THSD7B: variants seen among roughly 807,000 people sequenced by gnomAD.
THSD7B encodes the protein thrombospondin type 1 domain containing 7B.
In THSD7B, 138 loss-of-function variants were observed where a neutral mutation model predicts 213.6. That is an observed-to-expected ratio of 0.65 (90% CI 0.56 to 0.74). THSD7B has a LOEUF of 0.74. THSD7B is among the 30% of genes least tolerant of loss of function. The pLI is 0.00. For synonymous variants in THSD7B, 742 were observed against 687.0 expected (o/e 1.08, Z -1.25); for missense variants, 1,931 against 1,991.5 (o/e 0.97, Z 0.58).
intron 15 of THSD7B, among the ~76,000 whole-genome samples, chr2:137,515,051 C>G (rs1039007225): frequency 2.6e-5 from 4 of 152,158 alleles, no homozygotes; most frequent in Non-Finnish European, 4.4e-5. Flanking sequence ...GAACACCAGA[C>G]ACAACCTCTT....
Position 137,658,738 on chromosome 2 carries a change from TCA to T in THSD7B, c.4376-923_4376-922del, listed in dbSNP as rs1468182458. ...TGGATTCTTTGTGTTATTTTTCAAG[TCA>T]CAGTGAGAATTTAGCTGCTTCATTC... On this transcript the variant is annotated intron_variant, in intron 24 of 27. Coordinates refer to ENST00000409968, the MANE Select transcript of THSD7B (RefSeq NM_001316349.2). Among the ~76,000 whole-genome samples the T allele has an allele frequency of 2.0e-5, 3 of 152,230 alleles. No individual in the cohort carries two copies. In the South Asian group the frequency reaches 6.2e-4, roughly 32 times the overall value.
At chr2:137,482,210 A>T (rs1324186277) in intron 15 of THSD7B, among the ~76,000 whole-genome samples, 1 of 150,242 alleles carries the variant, frequency 6.7e-6, no homozygotes, top group African/African-American at 2.4e-5. Flanking sequence ...AAAAGGGTTT[A>T]GCCATAGATT....
chr2:137,429,663 G>T (rs999876663), intron 14 of THSD7B, among the ~76,000 whole-genome samples: 1 of 152,160 alleles, frequency 6.6e-6, no homozygotes, highest in African/African-American at 2.4e-5. Flanking sequence ...TATAAACAGC[G>T]TCTCAGAATA....
At chr2:137,068,283 T>G (rs1416311738) in intron 3 of THSD7B, among the ~76,000 whole-genome samples, 1 of 152,134 alleles carries the variant, frequency 6.6e-6, no homozygotes, top group Non-Finnish European at 1.5e-5. Flanking sequence ...GACAGCGTAT[T>G]GAACCAAAGC....
chr2:137,261,353 T>C (rs1205848452), intron 10 of THSD7B, among the ~76,000 whole-genome samples: 1 of 152,198 alleles, frequency 6.6e-6, no homozygotes, highest in Non-Finnish European at 1.5e-5. Flanking sequence ...TAACCTATCC[T>C]GCACACTAAC....
chr2:137,098,835 C>T lies in THSD7B; in HGVS notation c.1199+3714C>T, dbSNP rs140699325. 5.1e-4 allele frequency among the ~76,000 whole-genome samples: 78 copies of T among 152,162 alleles called. No individual in the cohort carries two copies. The East Asian group carries it at 6.0e-3, about 12-fold the overall frequency. On this transcript the variant is annotated intron_variant, in intron 4 of 27. Coordinates refer to ENST00000409968, the MANE Select transcript of THSD7B (RefSeq NM_001316349.2). ...GAATTGTAACTAACAGGAGATCATT[C>T]GGGAAGCATTCCCTGGGGTTACCAC...
intron 7 of THSD7B, among the ~76,000 whole-genome samples, chr2:137,230,318 G>A (rs931793853): frequency 6.6e-6 from 1 of 152,156 alleles, no homozygotes; most frequent in Non-Finnish European, 1.5e-5. Flanking sequence ...ATTGTAAATA[G>A]TATTTACAGA....
At chr2:136,846,133 G>T (rs576696384) in intron 1 of THSD7B, among the ~76,000 whole-genome samples, 2 of 152,032 alleles carry the variant, frequency 1.3e-5, no homozygotes, top group Non-Finnish European at 2.9e-5. Flanking sequence ...TCAAGGGTGG[G>T]GTGTGGAGTC....
Position 137,676,557 on chromosome 2 carries a change from C to T in THSD7B, c.4773C>T (p.Pro1591=). 3.8e-6 allele frequency: 6 copies of T among 1,597,958 alleles called. No individual in the cohort carries two copies. Among genetic ancestry groups the T allele is most frequent in the Non-Finnish European group, 5.1e-6 (6 of 1,173,018 alleles). ...CAAAACCACATCAAAGCACACCTCC[C>T]CAACAGAAGCCTCTGACCTTAGCCT... is the stretch of plus-strand genomic sequence containing the variant. ...KKPKPHQSTP[P]QQKPLTLAYD... The change falls in exon 28 of 28, where the codon CCC becomes CCT. Residue 1591 remains proline, a synonymous_variant. Transcript: ENST00000409968.
intron 12 of THSD7B, among the ~76,000 whole-genome samples, chr2:137,298,884 A>C (rs1413111756): frequency 6.6e-6 from 1 of 152,142 alleles, no homozygotes; most frequent in East Asian, 1.9e-4. Flanking sequence ...CCTCATGGAG[A>C]ACCTCTGCTA....
intron 15 of THSD7B, among the ~76,000 whole-genome samples, chr2:137,530,444 A>C (rs748272939): frequency 6.6e-6 from 1 of 151,996 alleles, no homozygotes; most frequent in Non-Finnish European, 1.5e-5. Context: ...AAACAACTGA[A>C]ATGGGACTAA....
intron 3 of THSD7B, among the ~76,000 whole-genome samples, chr2:137,068,244 G>A (rs946676239): frequency 2.0e-5 from 3 of 151,964 alleles, no homozygotes; most frequent in African/African-American, 7.2e-5. Flanking sequence ...GTGGAAACCA[G>A]AAGTCACCAT....
At chr2:137,504,963 A>C (rs1391075980) in intron 15 of THSD7B, among the ~76,000 whole-genome samples, 1 of 151,370 alleles carries the variant, frequency 6.6e-6, no homozygotes, top group African/African-American at 2.4e-5. Context: ...GAAGGAGACA[A>C]GGAAGGGAGG....
chr2:136,869,873 C>T (rs1458215218), intron 1 of THSD7B, among the ~76,000 whole-genome samples: 3 of 152,070 alleles, frequency 2.0e-5, no homozygotes, highest in Non-Finnish European at 4.4e-5. Flanking sequence ...GGAGTTTGAG[C>T]CTGGCATGGC....
chr2:137,224,723 G>A (rs1378893130), intron 7 of THSD7B, among the ~76,000 whole-genome samples: 1 of 152,102 alleles, frequency 6.6e-6, no homozygotes, highest in Non-Finnish European at 1.5e-5. Flanking sequence ...CCAGGCTGGA[G>A]TGCAGTGGCG....
chr2:136,937,964 C>A (rs1394315463), intron 2 of THSD7B, among the ~76,000 whole-genome samples: 2 of 152,132 alleles, frequency 1.3e-5, no homozygotes, highest in Non-Finnish European at 1.5e-5. Context: ...TATTGAGACA[C>A]CCTCTGATTC....
intron 12 of THSD7B, among the ~76,000 whole-genome samples, chr2:137,338,798 G>C (rs923444096): frequency 6.6e-6 from 1 of 152,064 alleles, no homozygotes; most frequent in Non-Finnish European, 1.5e-5. Context: ...AAGCCTCTGT[G>C]TGTACCACAC....
chr2:137,536,408 C>T (rs1680508365), intron 15 of THSD7B, among the ~76,000 whole-genome samples: 1 of 151,418 alleles, frequency 6.6e-6, no homozygotes, highest in African/African-American at 2.4e-5. Context: ...AAGAATAGTA[C>T]TTAGATATGT....
At chr2:137,114,304 A>G (rs909889189) in intron 4 of THSD7B, among the ~76,000 whole-genome samples, 10 of 152,224 alleles carry the variant, frequency 6.6e-5, no homozygotes, top group African/African-American at 2.4e-4. Flanking sequence ...CTGTGGGCTT[A>G]AAGAATACGG....
Sources: gnomAD v4.1 joint callset for allele counts (sites outside exome capture counted in the v4.1 genomes callset) on GRCh38, gnomAD v4.1.1 for gene constraint, MANE v1.5 for transcripts, NCBI Gene and HGNC (gene_info 2026-07-23, HGNC 2026-07-21) for gene names.